Variants in SYNE2 observed in about 807,000 individuals in gnomAD.
SYNE2 encodes the protein nesprin-2.
In SYNE2, 431 loss-of-function variants were observed where a neutral mutation model predicts 856.3. The ratio of observed to expected loss-of-function variants is 0.50; its 90% CI spans 0.47 to 0.55. The LOEUF is 0.55. Ranked by LOEUF, SYNE2 falls within the 20% of genes least tolerant of loss-of-function variation. SYNE2 has a pLI of 0.00. For synonymous variants in SYNE2, 2,923 were observed against 2,872.3 expected, an observed-to-expected ratio of 1.02 and a Z score of -0.56; for missense variants, 8,129 against 8,023.2, an observed-to-expected ratio of 1.01 and a Z score of -0.50.
At chr14:63,785,640 A>T (rs545931892) in intron 1 of SYNE2, among the ~76,000 whole-genome samples, 21 of 152,336 alleles carry the variant, frequency 1.4e-4, no homozygotes, top group Non-Finnish European at 2.8e-4. Context: ...ACCATGTGCG[A>T]CAAGTGTGGA....
Position 63,949,911 on chromosome 14 carries a change from A to G in SYNE2, c.495A>G (p.Ser165=), listed in dbSNP as rs758680110. Residue 165 remains serine, a synonymous_variant, in exon 7 of 116, where the codon TCA becomes TCG. Coordinates refer to ENST00000555002, the MANE Select transcript of SYNE2 (RefSeq NM_182914.3). The part of the protein sequence containing the change: ...DVSVVDSSPA[S]SPPAKKCSKV... ...GTGTGGTTGACTCATCTCCTGCCTC[A>G]AGTCCTCCAGCTAAGAAATGCTCTA... is the stretch of plus-strand genomic sequence containing the variant. 35 of 1,614,008 alleles carry G rather than the reference A, an allele frequency of 2.2e-5. No homozygotes were observed. The highest frequency in any genetic ancestry group is 2.9e-5 in the Non-Finnish European group (34 of 1,180,026).
intron 83 of SYNE2, among the ~76,000 whole-genome samples, chr14:64,145,443 G>A (rs1252525193): frequency 6.6e-6 from 1 of 150,860 alleles, no homozygotes; most frequent in Non-Finnish European, 1.5e-5. Context: ...GGGAGGTGGA[G>A]GTTGCAGTGA....
intron 110 of SYNE2, among the ~76,000 whole-genome samples, chr14:64,220,087 C>T (rs2098687645): frequency 2.0e-5 from 3 of 152,224 alleles, no homozygotes; most frequent in South Asian, 2.1e-4. Flanking sequence ...TAAGGAATAA[C>T]ATTTCTGGCA....
chr14:64,212,900 G>A lies in SYNE2; in HGVS notation c.18951G>A (p.Leu6317=), dbSNP rs777979000. ...AGCTGATTCAGAAGAGCGAGCCCCT[G>A]GATGCTGTGCTGATTGAGGATGAGC... ...GEQLIQKSEP[L]DAVLIEDELE... Residue 6317 remains leucine, a synonymous_variant, in exon 105 of 116, where the codon CTG becomes CTA. Transcript: ENST00000555002. The A allele has an allele frequency of 5.0e-6, 8 of 1,614,204 alleles. No homozygotes were observed. Among genetic ancestry groups the A allele is most frequent in the Admixed American group, 1.7e-5 (1 of 60,024 alleles).
intron 34 of SYNE2, among the ~76,000 whole-genome samples, chr14:64,018,910 T>G (rs10498513): frequency 0.038 from 5,715 of 152,316 alleles, 350 homozygotes; most frequent in African/African-American, 0.13. Context: ...TCAAAGTTAT[T>G]TCTCTTTCAA....
chr14:63,922,320 A>G (rs1035390443), intron 2 of SYNE2, among the ~76,000 whole-genome samples: 1 of 152,190 alleles, frequency 6.6e-6, no homozygotes, highest in Non-Finnish European at 1.5e-5. Flanking sequence ...GTTTTATTGA[A>G]TGAGCAAATA....
chr14:63,949,836 T>C lies in SYNE2; in HGVS notation c.420T>C (p.Leu140=). 6.2e-7 allele frequency: 1 copy of C among 1,614,184 alleles called. No individual in the cohort carries two copies. Among genetic ancestry groups the C allele is most frequent in the Non-Finnish European group, 8.5e-7 (1 of 1,180,000 alleles). The part of the protein sequence containing the change: ...TIILHFHIEK[L]AQTLSCNYNQ... ...TTTGCCTTCCTTAGATTGAGAAGCT[T>C]GCCCAGACTCTTTCTTGCAATTACA... The change falls in exon 7 of 116, where the codon CTT becomes CTC. Residue 140 remains leucine, a synonymous_variant. Coordinates refer to ENST00000555002, the MANE Select transcript of SYNE2 (RefSeq NM_182914.3).
At chr14:63,806,069 G>A (rs1888350331) in intron 1 of SYNE2, among the ~76,000 whole-genome samples, 1 of 152,232 alleles carries the variant, frequency 6.6e-6, no homozygotes, top group African/African-American at 2.4e-5. Flanking sequence ...GTTCTCAAGG[G>A]GAATGCTTCC....
intron 103 of SYNE2, 98 bp downstream of exon 103, chr14:64,210,222 G>T: frequency 7.0e-7 from 1 of 1,435,804 alleles, no homozygotes; most frequent in Non-Finnish European, 9.4e-7. Context: ...CAGGTAGAAG[G>T]TTTCACTTCA....
intron 8 of SYNE2, 142 bp from the exon 9 acceptor site, chr14:63,961,383 A>C (rs1416376149): frequency 2.1e-5 from 15 of 704,220 alleles, no homozygotes; most frequent in African/African-American, 7.0e-5. Flanking sequence ...CTGAGTAAAC[A>C]GAGATTGGAT....
chr14:63,834,160 T>C (rs998737478), intron 1 of SYNE2, among the ~76,000 whole-genome samples: 1 of 152,208 alleles, frequency 6.6e-6, no homozygotes, highest in African/African-American at 2.4e-5. Flanking sequence ...TAATTTAATA[T>C]GTTCATATAT....
intron 2 of SYNE2, among the ~76,000 whole-genome samples, chr14:63,924,916 T>C (rs536940199): frequency 1.4e-5 from 2 of 148,074 alleles, no homozygotes; most frequent in East Asian, 4.2e-4. Context: ...ACATCCTTGC[T>C]TTGTTCCTGA....
chr14:63,871,796 CTTAAA>C (rs1203473768), intron 1 of SYNE2, among the ~76,000 whole-genome samples: 1 of 151,764 alleles, frequency 6.6e-6, no homozygotes, highest in Non-Finnish European at 1.5e-5. Flanking sequence ...ACCTGGCCAA[CTTAAA>C]TTATATCTAT....
At chr14:64,214,544 A>G (rs1596275120) in intron 106 of SYNE2, 74 bp downstream of exon 106, 1 of 1,428,926 alleles carries the variant, frequency 7.0e-7, no homozygotes, top group East Asian at 2.5e-5. Context: ...CAACACGGCC[A>G]GCTCTCAATG....
intron 49 of SYNE2, 128 bp from the exon 50 acceptor site, chr14:64,062,623 C>T (rs777341995): frequency 2.2e-5 from 20 of 917,336 alleles, no homozygotes; most frequent in Non-Finnish European, 3.0e-5. Context: ...AATGCATTGC[C>T]TAGCAAAAAC....
chr14:63,816,227 G>A (rs368190392), intron 1 of SYNE2, among the ~76,000 whole-genome samples: 27 of 152,042 alleles, frequency 1.8e-4, no homozygotes, highest in East Asian at 1.3e-3. Context: ...GATTACAGGC[G>A]TGAGCCACCA....
intron 18 of SYNE2, 141 bp from the exon 19 acceptor site, chr14:63,986,315 G>A: frequency 3.4e-6 from 3 of 871,198 alleles, no homozygotes; most frequent in Non-Finnish European, 5.4e-6. Flanking sequence ...GCCCAGACTG[G>A]TCACAAACTC....
At chr14:64,034,693 G>T in intron 45 of SYNE2, 1 of 437,736 alleles carries the variant, frequency 2.3e-6, no homozygotes, top group East Asian at 3.3e-5. Context: ...CAGTATGACA[G>T]GTATTTGTGC....
At chr14:63,983,915 C>T in intron 18 of SYNE2, 29 bp downstream of exon 18, 1 of 1,409,454 alleles carries the variant, frequency 7.1e-7, no homozygotes, top group South Asian at 1.2e-5. Context: ...GTATATTTCA[C>T]TTGCAAATAG....
Sources: allele counts gnomAD v4.1 joint callset (sites outside exome capture counted in the v4.1 genomes callset), GRCh38; gene constraint gnomAD v4.1.1; transcripts MANE v1.5; gene names NCBI Gene and HGNC (gene_info 2026-07-23, HGNC 2026-07-21).